NIBAN1: variants seen among roughly 807,000 people sequenced by gnomAD.
NIBAN1 encodes protein Niban 1.
A neutral mutation model predicts 75.1 loss-of-function variants in NIBAN1; 81 were observed. The ratio of observed to expected loss-of-function variants is 1.08; its 90% CI spans 0.90 to 1.30. The LOEUF (loss-of-function observed/expected upper bound fraction) is 1.30, where lower values mean the gene tolerates loss of function less well. NIBAN1 is among the 50% of genes most tolerant of loss of function. The pLI is 0.00. For synonymous variants in NIBAN1, 436 were observed against 424.8 expected, an observed-to-expected ratio of 1.03 and a Z score of -0.32; for missense variants, 1,133 against 1,128.1, an observed-to-expected ratio of 1.00 and a Z score of -0.06.
intron 1 of NIBAN1, among the ~76,000 whole-genome samples, chr1:184,927,455 G>C (rs568238266): frequency 6.6e-6 from 1 of 152,108 alleles, no homozygotes; most frequent in Admixed American, 6.5e-5. Context: ...AAATTTCCTG[G>C]ATTACCAGGC....
chr1:184,796,229 G>T, intron 13 of NIBAN1, 132 bp from the exon 14 acceptor site: 2 of 851,834 alleles, frequency 2.3e-6, no homozygotes, highest in Non-Finnish European at 3.4e-6. Flanking sequence ...CTTCCCTGAT[G>T]ACCAAAGTCT....
chr1:184,911,126 G>C (rs140011322), intron 1 of NIBAN1, among the ~76,000 whole-genome samples: 2 of 151,748 alleles, frequency 1.3e-5, no homozygotes, highest in Non-Finnish European at 2.9e-5. Flanking sequence ...TTTCTCTGGA[G>C]AACCCAAATA....
intron 6 of NIBAN1, among the ~76,000 whole-genome samples, chr1:184,830,562 T>C (rs544813649): frequency 3.4e-4 from 51 of 152,220 alleles, no homozygotes; most frequent in Admixed American, 2.7e-3. Context: ...GGTGAAACAA[T>C]AAAGAAGAGC....
At chr1:184,894,615 C>T (rs1011314609) in intron 2 of NIBAN1, among the ~76,000 whole-genome samples, 5 of 152,332 alleles carry the variant, frequency 3.3e-5, no homozygotes, top group Middle Eastern at 3.4e-3. Flanking sequence ...GGTTAATCCC[C>T]GCAAAGCGGG....
At chr1:184,910,178 G>A (rs746216356) in intron 1 of NIBAN1, among the ~76,000 whole-genome samples, 5 of 151,914 alleles carry the variant, frequency 3.3e-5, no homozygotes, top group Non-Finnish European at 4.4e-5. Flanking sequence ...GTCATTATAC[G>A]CACCAAGGAG....
intron 5 of NIBAN1, among the ~76,000 whole-genome samples, chr1:184,874,476 A>G (rs1291742750): frequency 6.6e-6 from 1 of 152,088 alleles, no homozygotes; most frequent in African/African-American, 2.4e-5. Flanking sequence ...GGCAAATAGC[A>G]TTAATAGCAA....
chr1:184,889,970 T>C (rs531631559), intron 4 of NIBAN1, 138 bp downstream of exon 4: 17 of 671,428 alleles, frequency 2.5e-5, no homozygotes, highest in Admixed American at 5.2e-5. Flanking sequence ...CCGATTCCAA[T>C]TGTGACAAAC....
chr1:184,881,888 G>T (rs949840086), intron 5 of NIBAN1, among the ~76,000 whole-genome samples: 4 of 152,122 alleles, frequency 2.6e-5, no homozygotes, highest in Admixed American at 1.3e-4. Context: ...AGGTGTTTAT[G>T]ACCTGCATTT....
At chr1:184,949,556 A>G (rs964497845) in intron 1 of NIBAN1, among the ~76,000 whole-genome samples, 2 of 152,192 alleles carry the variant, frequency 1.3e-5, no homozygotes, top group Non-Finnish European at 2.9e-5. Context: ...TAACTTGCGC[A>G]AAGAGGACCC....
At chr1:184,908,089 TC>T (rs1410723744) in intron 1 of NIBAN1, among the ~76,000 whole-genome samples, 3 of 152,220 alleles carry the variant, frequency 2.0e-5, no homozygotes, top group Admixed American at 1.3e-4. Flanking sequence ...AAGCATCGTT[TC>T]CTGCTTTCCA....
At chr1:184,828,657 G>C (rs558553617) in intron 6 of NIBAN1, among the ~76,000 whole-genome samples, 7 of 152,296 alleles carry the variant, frequency 4.6e-5, no homozygotes, top group Admixed American at 6.5e-5. Flanking sequence ...TTCTGTAACA[G>C]ACTAGTTTTC....
chr1:184,822,419 G>C (rs1460834922), intron 8 of NIBAN1, among the ~76,000 whole-genome samples: 5 of 152,216 alleles, frequency 3.3e-5, no homozygotes, highest in Admixed American at 2.6e-4. Context: ...ATTCACTTCT[G>C]TTGTAGCACA....
intron 1 of NIBAN1, among the ~76,000 whole-genome samples, chr1:184,906,167 A>T (rs1322927821): frequency 6.6e-6 from 1 of 151,930 alleles, no homozygotes; most frequent in Non-Finnish European, 1.5e-5. Flanking sequence ...GGTGAGGCAG[A>T]GTATTGCTTG....
At chr1:184,897,690 G>T (rs1289966259) in intron 2 of NIBAN1, among the ~76,000 whole-genome samples, 1 of 152,090 alleles carries the variant, frequency 6.6e-6, no homozygotes, top group Non-Finnish European at 1.5e-5. Flanking sequence ...GGCCAAAAGG[G>T]AACTCGTGAT....
At chr1:184,805,023 C>G (rs1266421184) in intron 11 of NIBAN1, among the ~76,000 whole-genome samples, 1 of 152,116 alleles carries the variant, frequency 6.6e-6, no homozygotes, top group Non-Finnish European at 1.5e-5. Flanking sequence ...CTCCTGACCT[C>G]GTGATCTGCC....
intron 9 of NIBAN1, among the ~76,000 whole-genome samples, chr1:184,814,699 C>T (rs1654478573): frequency 6.6e-6 from 1 of 152,204 alleles, no homozygotes; most frequent in Non-Finnish European, 1.5e-5. Context: ...ACAAACCTTT[C>T]AAAACCAAGC....
At chr1:184,862,058 A>T (rs927657966) in intron 5 of NIBAN1, among the ~76,000 whole-genome samples, 1 of 152,204 alleles carries the variant, frequency 6.6e-6, no homozygotes, top group African/African-American at 2.4e-5. Flanking sequence ...AAAGGAAAGA[A>T]CAATAAGATT....
intron 1 of NIBAN1, among the ~76,000 whole-genome samples, chr1:184,937,077 A>G (rs1459629935): frequency 1.3e-5 from 2 of 151,868 alleles, no homozygotes; most frequent in East Asian, 3.9e-4. Context: ...TCATCCAAGG[A>G]AGCAATAAAT....
chr1:184,865,930 C>T (rs1335730691), intron 5 of NIBAN1, among the ~76,000 whole-genome samples: 2 of 152,212 alleles, frequency 1.3e-5, no homozygotes, highest in Middle Eastern at 3.4e-3. Flanking sequence ...AAAGAAATTG[C>T]CTTTGCTGTT....
Sources: allele counts gnomAD v4.1 joint callset (sites outside exome capture counted in the v4.1 genomes callset), GRCh38; gene constraint gnomAD v4.1.1; transcripts MANE v1.5; gene names NCBI Gene and HGNC (gene_info 2026-07-23, HGNC 2026-07-21).